Variants in MAP7 observed in about 807,000 individuals in gnomAD.
The protein encoded by MAP7 is microtubule associated protein 7.
A neutral mutation model predicts 94.8 loss-of-function variants in MAP7; 52 were observed. The observed-to-expected ratio is 0.55, with a 90% CI of 0.44 to 0.69. The LOEUF (loss-of-function observed/expected upper bound fraction) is 0.69, where lower values mean the gene tolerates loss of function less well. Among genes scored for constraint, MAP7 ranks in the 30% least tolerant of loss-of-function variants. The probability of loss-of-function intolerance (pLI) is 0.00; values close to 1 mark genes in which losing one functional copy is unlikely to be tolerated. For synonymous variants in MAP7, 350 were observed against 357.0 expected, an observed-to-expected ratio of 0.98 and a Z score of 0.22; for missense variants, 940 against 964.6, an observed-to-expected ratio of 0.97 and a Z score of 0.34.
chr6:136,515,915 T>A (rs775002411), intron 1 of MAP7, among the ~76,000 whole-genome samples: 9 of 152,134 alleles, frequency 5.9e-5, no homozygotes, highest in Non-Finnish European at 1.2e-4. Context: ...AAACCTTCAA[T>A]TTGTAAAAAA....
intron 1 of MAP7, among the ~76,000 whole-genome samples, chr6:136,442,437 A>T (rs1240714005): frequency 6.6e-6 from 1 of 152,026 alleles, no homozygotes; most frequent in Non-Finnish European, 1.5e-5. Flanking sequence ...GTCATACTTA[A>T]AATAGTTCTT....
chr6:136,487,878 A>T (rs1371251514), intron 1 of MAP7, among the ~76,000 whole-genome samples: 2 of 152,198 alleles, frequency 1.3e-5, no homozygotes, highest in African/African-American at 4.8e-5. Flanking sequence ...TTGGACCATT[A>T]ACATGGACAC....
intron 7 of MAP7, among the ~76,000 whole-genome samples, chr6:136,377,546 T>C (rs1776523987): frequency 6.6e-6 from 1 of 152,188 alleles, no homozygotes; most frequent in Non-Finnish European, 1.5e-5. Context: ...AGAGGCTTCA[T>C]CAGCCTGCCT....
chr6:136,529,575 T>G (rs990554608), intron 1 of MAP7, among the ~76,000 whole-genome samples: 2 of 152,260 alleles, frequency 1.3e-5, no homozygotes, highest in Admixed American at 1.3e-4. Context: ...AATTACTTTC[T>G]TTAAATTGTT....
At chr6:136,513,226 C>T (rs186427462) in intron 1 of MAP7, among the ~76,000 whole-genome samples, 2 of 152,234 alleles carry the variant, frequency 1.3e-5, no homozygotes, top group Admixed American at 6.5e-5. Flanking sequence ...CTGTTGTATG[C>T]GATGTTGTGT....
chr6:136,516,232 C>T (rs1824782408), intron 1 of MAP7, among the ~76,000 whole-genome samples: 1 of 152,014 alleles, frequency 6.6e-6, no homozygotes, highest in African/African-American at 2.4e-5. Flanking sequence ...ACGATCATGG[C>T]TCACTGCAGC....
At chr6:136,375,605 C>T (rs767603586) in intron 7 of MAP7, among the ~76,000 whole-genome samples, 22 of 152,044 alleles carry the variant, frequency 1.4e-4, no homozygotes, top group Non-Finnish European at 2.4e-4. Flanking sequence ...ACAAGATAAT[C>T]GGAAGAGATG....
At chr6:136,421,952 C>T (rs1791510426) in intron 1 of MAP7, among the ~76,000 whole-genome samples, 153 bp from the exon 2 acceptor site, 1 of 152,168 alleles carries the variant, frequency 6.6e-6, no homozygotes, top group East Asian at 1.9e-4. Flanking sequence ...AACCTGTGCC[C>T]TCAAGGAGTA....
chr6:136,356,956 TTAGTAA>T (rs1246040098), intron 15 of MAP7, among the ~76,000 whole-genome samples, 162 bp from the exon 16 acceptor site: 1 of 152,196 alleles, frequency 6.6e-6, no homozygotes, highest in African/African-American at 2.4e-5. Context: ...AGTTTCCTCA[TTAGTAA>T]TAGTACCTAC....
intron 1 of MAP7, among the ~76,000 whole-genome samples, chr6:136,446,992 T>C (rs1799558739): frequency 6.6e-6 from 1 of 152,208 alleles, no homozygotes; most frequent in African/African-American, 2.4e-5. Context: ...TTTCTGGGTA[T>C]AAAATTTCTC....
intron 17 of MAP7, among the ~76,000 whole-genome samples, chr6:136,344,969 T>C (rs1787279340): frequency 6.6e-6 from 1 of 152,222 alleles, no homozygotes; most frequent in Non-Finnish European, 1.5e-5. Context: ...TATCCTGAAT[T>C]TGGCCAGTTC....
At position 136,383,792 on chromosome 6, in the gene MAP7, T is replaced by C. The variant is rs779093716; in HGVS notation, c.527-11A>G. ...ACCGCCTGTCTGGATCTAAAACAAA[T>C]GGAGATAATGCTAATTGACAGCCAA... On this transcript the variant is annotated splice_polypyrimidine_tract_variant and intron_variant, in intron 5 of 17. Transcript: ENST00000354570. The C allele has an allele frequency of 1.3e-5, 20 of 1,514,194 alleles. No individual in the cohort carries two copies. The highest frequency in any genetic ancestry group is 1.8e-5 in the Non-Finnish European group (20 of 1,090,820). The allele number at this position is 1,514,194 out of a possible 1,614,324, so 93.8% of individuals were successfully genotyped here.
At chr6:136,448,033 T>C (rs937478899) in intron 1 of MAP7, among the ~76,000 whole-genome samples, 9 of 151,648 alleles carry the variant, frequency 5.9e-5, no homozygotes, top group African/African-American at 2.2e-4. Context: ...CTACTAAAAA[T>C]ACAAAAAAAT....
chr6:136,516,964 A>G (rs1440931498), intron 1 of MAP7, among the ~76,000 whole-genome samples: 1 of 136,744 alleles, frequency 7.3e-6, no homozygotes, highest in Non-Finnish European at 1.5e-5. Context: ...AGAAGGAAAA[A>G]AAAACCCTTG....
At chr6:136,457,781 C>G (rs1480780115) in intron 1 of MAP7, among the ~76,000 whole-genome samples, 1 of 151,962 alleles carries the variant, frequency 6.6e-6, no homozygotes, top group African/African-American at 2.4e-5. Context: ...TCTCAATGAA[C>G]TAGGAATAGA....
chr6:136,411,498 A>G (rs1172861328), intron 3 of MAP7, 122 bp downstream of exon 3: 1 of 778,220 alleles, frequency 1.3e-6, no homozygotes, highest in African/African-American at 1.8e-5. Flanking sequence ...TTTATATTTT[A>G]TCATCACATA....
intron 2 of MAP7, among the ~76,000 whole-genome samples, chr6:136,419,374 A>G (rs1006490221): frequency 6.6e-6 from 1 of 152,244 alleles, no homozygotes; most frequent in African/African-American, 2.4e-5. Flanking sequence ...CAACTAAGCT[A>G]TGTTAAATTC....
chr6:136,537,486 C>T (rs1244364931), intron 1 of MAP7, among the ~76,000 whole-genome samples: 1 of 152,172 alleles, frequency 6.6e-6, no homozygotes, highest in Non-Finnish European at 1.5e-5. Context: ...ACAGTCACTG[C>T]ACAAAGCATA....
At position 136,362,527 on chromosome 6, in the gene MAP7, T is replaced by C; in HGVS notation, c.1449A>G (p.Leu483=). 1 of 1,614,208 alleles carries C rather than the reference T, an allele frequency of 6.2e-7. No individual in the cohort carries two copies. The highest frequency in any genetic ancestry group is 8.5e-7 in the Non-Finnish European group (1 of 1,180,046). Residue 483 remains leucine (L), a synonymous_variant, in exon 11 of 18, where the codon CTA becomes CTG. Transcript: ENST00000354570. ...TTDPEEATRL[L]AEKRRLAREQ... ...CTCGGGCCAGCCGCCTCTTCTCAGC[T>C]AGAAGCCTTGTGGCCTCCTCTGGGT...
Sources: gnomAD v4.1 joint callset for allele counts (sites outside exome capture counted in the v4.1 genomes callset) on GRCh38, gnomAD v4.1.1 for gene constraint, MANE v1.5 for transcripts, NCBI Gene and HGNC (gene_info 2026-07-23, HGNC 2026-07-21) for gene names.